Variants in DIP2C observed in about 807,000 individuals in gnomAD.
DIP2C encodes DIP2 acetate--CoA ligase C (putative).
A neutral mutation model predicts 192.4 loss-of-function variants in DIP2C; 33 were observed. The observed-to-expected ratio is 0.17, with a 90% CI of 0.13 to 0.23. DIP2C has a LOEUF of 0.23. Among genes scored for constraint, DIP2C ranks in the 10% least tolerant of loss-of-function variants. DIP2C has a pLI of 1.00. For synonymous variants in DIP2C, 979 were observed against 864.1 expected, an observed-to-expected ratio of 1.13 and a Z score of -2.33; for missense variants, 1,537 against 2,110.1, an observed-to-expected ratio of 0.73 and a Z score of 5.32.
At chr10:500,651 G>A (rs956186833) in intron 1 of DIP2C, among the ~76,000 whole-genome samples, 1 of 152,098 alleles carries the variant, frequency 6.6e-6, no homozygotes, top group Non-Finnish European at 1.5e-5. Context: ...AATGTTCGCT[G>A]GATAAAAGAT....
At chr10:427,776 T>C (rs1453506185) in intron 4 of DIP2C, among the ~76,000 whole-genome samples, 1 of 152,230 alleles carries the variant, frequency 6.6e-6, no homozygotes, top group Non-Finnish European at 1.5e-5. Context: ...CTTCTCATGA[T>C]GTGGAGAAAC....
At chr10:320,043 T>G (rs1241124287) in intron 31 of DIP2C, among the ~76,000 whole-genome samples, 2 of 152,148 alleles carry the variant, frequency 1.3e-5, no homozygotes, top group Non-Finnish European at 2.9e-5. Flanking sequence ...TGTTAGAAGG[T>G]TGAAGAATAG....
intron 9 of DIP2C, among the ~76,000 whole-genome samples, chr10:400,498 T>C (rs1039786259): frequency 1.3e-5 from 2 of 152,282 alleles, no homozygotes; most frequent in Non-Finnish European, 2.9e-5. Flanking sequence ...TTAGCGTTAC[T>C]CTTCCTTCTG....
intron 1 of DIP2C, among the ~76,000 whole-genome samples, chr10:506,201 GC>G (rs1845585304): frequency 6.6e-6 from 1 of 152,134 alleles, no homozygotes; most frequent in African/African-American, 2.4e-5. Context: ...GGAGAGAGAT[GC>G]CTGGAGACCA....
chr10:387,828 C>T lies in DIP2C; in HGVS notation c.1598-19G>A. On this transcript the variant is annotated intron_variant, in intron 13 of 36. Coordinates refer to ENST00000280886, the MANE Select transcript of DIP2C (RefSeq NM_014974.3). ...GTTTCAGCTGCACAACAGAGGGAGT[C>T]AGGAGATTTTTACTTAGGACAGGGC... 2 of 1,614,096 alleles carry T rather than the reference C, an allele frequency of 1.2e-6. No individual in the cohort carries two copies. Among genetic ancestry groups the T allele is most frequent in the Non-Finnish European group, 1.7e-6 (2 of 1,179,970 alleles).
intron 29 of DIP2C, among the ~76,000 whole-genome samples, chr10:334,530 A>G (rs943615552): frequency 6.6e-5 from 10 of 152,094 alleles, no homozygotes; most frequent in African/African-American, 2.2e-4. Context: ...ATGAAAATTT[A>G]CTCCTGTGTT....
At chr10:615,621 A>G (rs1853414840) in intron 1 of DIP2C, among the ~76,000 whole-genome samples, 1 of 150,182 alleles carries the variant, frequency 6.7e-6, no homozygotes, top group South Asian at 2.1e-4. Flanking sequence ...ATATACACAC[A>G]CACACCCGCC....
intron 1 of DIP2C, among the ~76,000 whole-genome samples, chr10:487,133 C>T (rs1052209497): frequency 2.1e-4 from 32 of 152,182 alleles, no homozygotes; most frequent in Non-Finnish European, 2.9e-4. Flanking sequence ...GCCACGGACG[C>T]GCAGCAGCCA....
At chr10:359,350 G>T (rs915238508) in intron 22 of DIP2C, among the ~76,000 whole-genome samples, 7 of 152,198 alleles carry the variant, frequency 4.6e-5, no homozygotes, top group African/African-American at 1.7e-4. Flanking sequence ...GCAGGAGAAG[G>T]CACGGCACTT....
chr10:278,930 T>C (rs1432252105), intron 36 of DIP2C, among the ~76,000 whole-genome samples: 2 of 152,196 alleles, frequency 1.3e-5, no homozygotes, highest in Non-Finnish European at 2.9e-5. Context: ...GCTGCTCGTA[T>C]CTGCTCTCAC....
At chr10:367,340 C>A (rs546130532) in intron 18 of DIP2C, among the ~76,000 whole-genome samples, 198 of 151,816 alleles carry the variant, frequency 1.3e-3, no homozygotes, top group African/African-American at 4.2e-3. Context: ...TGGCGTGAAC[C>A]CGGGAGGCAG....
chr10:482,621 C>T (rs995178999), intron 2 of DIP2C, among the ~76,000 whole-genome samples: 1 of 152,166 alleles, frequency 6.6e-6, no homozygotes. Flanking sequence ...AAACATTTCA[C>T]AGACAAACAC....
intron 1 of DIP2C, among the ~76,000 whole-genome samples, chr10:608,001 C>T (rs1257556752): frequency 6.6e-6 from 1 of 151,642 alleles, no homozygotes; most frequent in Non-Finnish European, 1.5e-5. Context: ...AAATCGGAGT[C>T]CGCAGGTGCG....
chr10:482,523 C>T lies in DIP2C; in HGVS notation c.157+3936G>A, dbSNP rs368481513. Among the ~76,000 whole-genome samples the T allele has an allele frequency of 5.9e-5, 9 of 152,316 alleles. No individual in the cohort carries two copies. In the East Asian group the frequency reaches 1.5e-3, roughly 26 times the overall value. On this transcript the variant is annotated intron_variant, in intron 2 of 36. Coordinates refer to ENST00000280886, the MANE Select transcript of DIP2C (RefSeq NM_014974.3). ...CTTACAGAGTCCTTGTAACTTGCAC[C>T]TGGGCATCAAGCTGTCCGGCTATTG...
intron 1 of DIP2C, among the ~76,000 whole-genome samples, chr10:515,292 G>A (rs1037628720): frequency 2.6e-5 from 4 of 152,208 alleles, no homozygotes; most frequent in African/African-American, 9.6e-5. Flanking sequence ...GTTAACATTT[G>A]AGGTAGATTG....
intron 19 of DIP2C, among the ~76,000 whole-genome samples, chr10:365,343 G>GAC (rs1960061051): frequency 6.6e-6 from 1 of 152,122 alleles, no homozygotes; most frequent in Non-Finnish European, 1.5e-5. Context: ...GATCAGCCTG[G>GAC]ACAACAGCAT....
At chr10:300,657 C>T (rs903846020) in intron 32 of DIP2C, among the ~76,000 whole-genome samples, 4 of 143,078 alleles carry the variant, frequency 2.8e-5, no homozygotes, top group African/African-American at 5.2e-5. Context: ...GAAGCCGGAA[C>T]CCAGGCGCGG....
At chr10:511,909 T>G (rs1846037069) in intron 1 of DIP2C, among the ~76,000 whole-genome samples, 1 of 152,268 alleles carries the variant, frequency 6.6e-6, no homozygotes, top group African/African-American at 2.4e-5. Context: ...TGTCCTTTAC[T>G]GTCTGTTCCT....
At chr10:518,282 C>T (rs993756458) in intron 1 of DIP2C, among the ~76,000 whole-genome samples, 4 of 152,238 alleles carry the variant, frequency 2.6e-5, no homozygotes, top group African/African-American at 7.2e-5. Flanking sequence ...TCGTGAAAAG[C>T]GGCGTTGCCA....
Sources: gnomAD v4.1 joint callset for allele counts (sites outside exome capture counted in the v4.1 genomes callset) on GRCh38, gnomAD v4.1.1 for gene constraint, MANE v1.5 for transcripts, NCBI Gene and HGNC (gene_info 2026-07-23, HGNC 2026-07-21) for gene names.